Variants in CENPH observed in about 807,000 individuals in gnomAD.
CENPH encodes centromere protein H.
Under a neutral mutation model 42.9 loss-of-function variants are expected in CENPH, and 40 were observed. The ratio of observed to expected loss-of-function variants is 0.93; its 90% CI spans 0.72 to 1.21. The LOEUF is 1.21. Among genes scored for constraint, CENPH ranks in the 50% most tolerant of loss-of-function variants. The pLI is 0.00. For missense variants in CENPH, 302 were observed against 292.9 expected (o/e 1.03, Z -0.23); for synonymous variants, 88 against 96.5 (o/e 0.91, Z 0.52).
rs112012497 is a variant in CENPH, at chr5:69,203,745, C to T, written c.487+775C>T. On this transcript the variant is annotated intron_variant, in intron 7 of 8. Transcript: ENST00000283006. ...CTCAAACTCCTGACCTCAAGTGATC[C>T]GTCTGCCTTGGCCTCCCAAAGTGCT... Among the ~76,000 whole-genome samples the T allele has an allele frequency of 8.6e-4, 131 of 152,040 alleles. 2 individuals carry two copies. Among genetic ancestry groups the T allele is most frequent in the African/African-American group, 3.0e-3 (126 of 41,480 alleles).
chr5:69,198,479 G>A (rs1042841018), intron 5 of CENPH, among the ~76,000 whole-genome samples: 2 of 152,036 alleles, frequency 1.3e-5, no homozygotes, highest in East Asian at 3.9e-4. Context: ...TAGTAGAGAC[G>A]GGGTTTCACT....
rs371312678 is a variant in CENPH, at chr5:69,197,083, C to A, written c.345C>A (p.Asn115Lys). Residue 115 changes from asparagine to lysine, a missense_variant, in exon 5 of 9, where the codon AAC becomes AAA. Physicochemically the swap from Asn to Lys is moderately conservative, Grantham distance 94. Transcript: ENST00000283006. Reference protein sequence around the residue: ...RMRLSTALKKNLEKISRQSSV... With the variant: ...RMRLSTALKKKLEKISRQSSV... The stretch of plus-strand genomic sequence containing the variant: ...GACTTTCAACTGCACTTAAAAAAAA[C>A]CTGGAGAAAATTAGCAGACAGTCTA... 7 of 1,579,496 alleles carry A rather than the reference C, an allele frequency of 4.4e-6. No homozygotes were observed. The highest frequency in any genetic ancestry group is 6.0e-6 in the Non-Finnish European group (7 of 1,168,688).
chr5:69,197,142 G>C, intron 5 of CENPH, 33 bp downstream of exon 5: 1 of 1,369,096 alleles, frequency 7.3e-7, no homozygotes, highest in Admixed American at 2.4e-5. Flanking sequence ...ATTCGGTAAG[G>C]ATGGGATCTG....
At chr5:69,191,485 C>T (rs1055718286) in intron 1 of CENPH, among the ~76,000 whole-genome samples, 4 of 152,166 alleles carry the variant, frequency 2.6e-5, no homozygotes, top group Admixed American at 2.0e-4. Flanking sequence ...GCACTCCAGC[C>T]TGGGCAAGAG....
chr5:69,201,242 G>A (rs940733820), intron 5 of CENPH, among the ~76,000 whole-genome samples: 1 of 152,110 alleles, frequency 6.6e-6, no homozygotes, highest in Non-Finnish European at 1.5e-5. Context: ...ATTCCATACT[G>A]TTTTGCTCCA....
chr5:69,198,297 T>C (rs1179366046), intron 5 of CENPH, among the ~76,000 whole-genome samples: 1 of 151,842 alleles, frequency 6.6e-6, no homozygotes, highest in African/African-American at 2.4e-5. Context: ...AATTCCTGCA[T>C]GGGTATAAGC....
At chr5:69,204,216 A>C (rs1459309754) in intron 7 of CENPH, among the ~76,000 whole-genome samples, 2 of 150,482 alleles carry the variant, frequency 1.3e-5, no homozygotes, top group Admixed American at 1.3e-4. Flanking sequence ...ACTGTAGAAC[A>C]TTTGGAAATA....
At chr5:69,194,725 G>A in intron 3 of CENPH, 30 bp downstream of exon 3, 1 of 1,351,118 alleles carries the variant, frequency 7.4e-7, no homozygotes. Flanking sequence ...TTTGTTTATG[G>A]TCTTTACTAA....
chr5:69,195,624 T>C, intron 3 of CENPH, 93 bp from the exon 4 acceptor site: 1 of 715,136 alleles, frequency 1.4e-6, no homozygotes, highest in Non-Finnish European at 2.4e-6. Flanking sequence ...GATAGAGGTG[T>C]TTTACTTTTT....
At chr5:69,195,307 C>T (rs1169242914) in intron 3 of CENPH, among the ~76,000 whole-genome samples, 1 of 152,160 alleles carries the variant, frequency 6.6e-6, no homozygotes, top group East Asian at 1.9e-4. Flanking sequence ...CTCAAGTAAT[C>T]CTCCACCTTG....
rs70992906 is a variant in CENPH at position 69,200,719 on chromosome 5, CTTTTTTTTTTTTTT to C, written c.372-1766_372-1753del. Among the ~76,000 whole-genome samples, 250 of 46,926 alleles carry C rather than the reference CTTTTTTTTTTTTTT, an allele frequency of 5.3e-3. 6 individuals are homozygous for C. The highest frequency in any genetic ancestry group is 0.015 in the African/African-American group (210 of 14,318). 30.8% of individuals were successfully genotyped at this position (46,926 alleles called of 152,430 possible). Reference sequence around the variant, plus strand: ...TCCCAAACTTTCTGAATCAGCGTATCTTTTTTTTTTTTTTTTTTTTTTTTTTTTTTTTTTGAGAC... The same window carrying C: ...TCCCAAACTTTCTGAATCAGCGTATCTTTTTTTTTTTTTTTTTTTTGAGAC... On this transcript the variant is annotated intron_variant, in intron 5 of 8. Coordinates refer to ENST00000283006, the MANE Select transcript of CENPH (RefSeq NM_022909.4).
chr5:69,195,721 A>G lies in CENPH; in HGVS notation c.244A>G (p.Ile82Val), dbSNP rs2112084275. 1.9e-6 allele frequency: 3 copies of G among 1,547,460 alleles called. No individual in the cohort carries two copies. The East Asian group carries it at 6.8e-5, about 35-fold the overall frequency. ...IMQEKQIEAK[I>V]EDLENEIEEV... ...TTGCTCATGTTTCTTTGATAGTAAA[A>G]TTGAAGACCTGGAAAATGAAATTGA... The change falls in exon 4 of 9, where the codon ATT (isoleucine) becomes GTT (valine). Residue 82 changes from isoleucine to valine, a missense_variant. Physicochemically the swap from Ile to Val is conservative, Grantham distance 29. Coordinates refer to ENST00000283006, the MANE Select transcript of CENPH (RefSeq NM_022909.4).
rs761270689 is a variant in CENPH, at chr5:69,189,683, G to A, written c.49G>A (p.Gly17Arg). 1.3e-6 allele frequency: 2 copies of A among 1,594,736 alleles called. No individual in the cohort carries two copies. Among genetic ancestry groups the A allele is most frequent in the Admixed American group, 1.7e-5 (1 of 57,908 alleles). ...MQDADEPADS[G>R]GEGRAGGPPQ... ...AGACGCCGACGAGCCCGCGGACTCC[G>A]GAGGGGAAGGCCGGGCAGGCGGGCC... The change falls in exon 1 of 9, where the codon GGA becomes AGA. Residue 17 changes from glycine to arginine, a missense_variant. By Grantham distance (125) the Gly-to-Arg change is moderately radical (BLOSUM62 -2). Coordinates refer to ENST00000283006, the MANE Select transcript of CENPH (RefSeq NM_022909.4).
chr5:69,201,709 A>G (rs139052096), intron 5 of CENPH, among the ~76,000 whole-genome samples: 117 of 152,264 alleles, frequency 7.7e-4, no homozygotes, highest in African/African-American at 2.7e-3. Context: ...AAATGTAAAA[A>G]TTAGTGGGAC....
Position 69,208,423 on chromosome 5 carries a change from G to A in CENPH, c.651+64G>A, listed in dbSNP as rs2972360. 13,109 of 1,057,858 alleles carry A rather than the reference G, an allele frequency of 0.012. 743 individuals carry two copies. In the East Asian group the frequency reaches 0.17, roughly 14 times the overall value. 65.5% of individuals were successfully genotyped at this position (1,057,858 alleles called of 1,614,324 possible). A position where few individuals can be genotyped will look rare whatever the true frequency, so the allele number is the denominator to read the frequency against. On this transcript the variant is annotated intron_variant, in intron 8 of 8. Transcript: ENST00000283006. Reference sequence around the variant, plus strand: ...TGCCCAGGCTGGAGTGAAGTGGCTCGATCTCAGCTCATTGCAAACTCCGCC... The same window carrying A: ...TGCCCAGGCTGGAGTGAAGTGGCTCAATCTCAGCTCATTGCAAACTCCGCC...
At chr5:69,203,736 C>T (rs1371752359) in intron 7 of CENPH, among the ~76,000 whole-genome samples, 1 of 151,974 alleles carries the variant, frequency 6.6e-6, no homozygotes, top group East Asian at 1.9e-4. Flanking sequence ...CTCCTGACCT[C>T]AAGTGATCCG....
intron 5 of CENPH, among the ~76,000 whole-genome samples, chr5:69,199,887 C>T (rs1405576448): frequency 7.9e-5 from 12 of 151,904 alleles, no homozygotes; most frequent in African/African-American, 1.7e-4. Context: ...CCGAGGCAGG[C>T]GGATCGTCTG....
intron 5 of CENPH, among the ~76,000 whole-genome samples, chr5:69,197,725 C>G (rs1335400567): frequency 5.3e-5 from 8 of 151,248 alleles, no homozygotes; most frequent in African/African-American, 1.5e-4. Flanking sequence ...ATGGGTGCAG[C>G]ACACCAACAT....
chr5:69,197,465 A>G (rs1312562498), intron 5 of CENPH: 1 of 167,322 alleles, frequency 6.0e-6, no homozygotes, highest in Admixed American at 6.3e-5. Flanking sequence ...CTCATTTTTT[A>G]TTGGTAGAAA....
Sources: allele counts gnomAD v4.1 joint callset (sites outside exome capture counted in the v4.1 genomes callset), GRCh38; gene constraint gnomAD v4.1.1; transcripts MANE v1.5; gene names NCBI Gene and HGNC (gene_info 2026-07-23, HGNC 2026-07-21).